LPCAT3: variants seen among roughly 807,000 people sequenced by gnomAD.
LPCAT3 encodes lysophospholipid acyltransferase 5.
LPCAT3 carries 21 observed loss-of-function variants against 63.4 expected under a neutral mutation model. The observed-to-expected ratio is 0.33, with a 90% CI of 0.23 to 0.48. The LOEUF (loss-of-function observed/expected upper bound fraction) is 0.48, where lower values mean the gene tolerates loss of function less well. Ranked by LOEUF, LPCAT3 falls within the 20% of genes least tolerant of loss-of-function variation. The pLI is 0.99. For missense variants in LPCAT3, 451 were observed against 590.6 expected, an observed-to-expected ratio of 0.76 and a Z score of 2.45; for synonymous variants, 242 against 227.5, an observed-to-expected ratio of 1.06 and a Z score of -0.58.
intron 1 of LPCAT3, chr12:6,997,427 G>GTT (rs1565603365): frequency 3.6e-5 from 5 of 137,482 alleles, no homozygotes; most frequent in African/African-American, 1.5e-4. Context: ...GTGTGTGTGT[G>GTT]TTTCAAGACA....
chr12:7,009,389 A>G (rs1374437819), intron 1 of LPCAT3, among the ~76,000 whole-genome samples: 1 of 152,212 alleles, frequency 6.6e-6, no homozygotes, highest in Non-Finnish European at 1.5e-5. Flanking sequence ...TACTATCAGG[A>G]CATCAAGTAC....
chr12:7,007,518 G>A (rs1435480032), intron 1 of LPCAT3, among the ~76,000 whole-genome samples: 6 of 124,046 alleles, frequency 4.8e-5, no homozygotes, highest in Admixed American at 8.8e-5. Flanking sequence ...TTTTTGAGAC[G>A]GAGTCTCACT....
chr12:6,977,879 G>C lies in LPCAT3; in HGVS notation c.1041-134C>G. On this transcript the variant is annotated intron_variant, in intron 9 of 12. Coordinates refer to ENST00000261407, the MANE Select transcript of LPCAT3 (RefSeq NM_005768.6). This position sits in a 1 kb window ranked among gnomAD's most constrained non-coding sequence, Gnocchi z 4.5. ...CCACGTGTAGCCCCCAGAGGGTACA[G>C]GAGGCAGTGCTGACTGATTACTTTT... The C allele has an allele frequency of 1.9e-6, 2 of 1,028,084 alleles. No individual in the cohort carries two copies. The highest frequency in any genetic ancestry group is 2.9e-6 in the Non-Finnish European group (2 of 684,432). The allele number at this position is 1,028,084 out of a possible 1,614,324, so 63.7% of individuals were successfully genotyped here. A position where few individuals can be genotyped will look rare whatever the true frequency, so the allele number is the denominator to read the frequency against.
At chr12:6,985,077 TC>T (rs1428386031) in intron 1 of LPCAT3, among the ~76,000 whole-genome samples, 1 of 138,352 alleles carries the variant, frequency 7.2e-6, no homozygotes, top group African/African-American at 2.7e-5. Flanking sequence ...TAGTCATTTT[TC>T]CCCCATACAT....
intron 9 of LPCAT3, 119 bp downstream of exon 9, chr12:6,978,222 A>T: frequency 8.3e-7 from 1 of 1,202,852 alleles, no homozygotes; most frequent in Non-Finnish European, 1.2e-6. Flanking sequence ...TGTGAGCGAC[A>T]GGGGGTTCTG....
chr12:7,000,897 C>T (rs74202416), intron 1 of LPCAT3, among the ~76,000 whole-genome samples: 4 of 151,916 alleles, frequency 2.6e-5, no homozygotes, highest in African/African-American at 7.2e-5. Context: ...TTAGTGGAGA[C>T]GGGGTTTCAC....
At chr12:7,000,474 G>T in intron 1 of LPCAT3, among the ~76,000 whole-genome samples, 1 of 147,010 alleles carries the variant, frequency 6.8e-6, no homozygotes, top group East Asian at 2.2e-4. Context: ...TGTAGTCCCA[G>T]CTACTCGGGA....
rs782394270 is a variant in LPCAT3 at position 6,984,894 on chromosome 12, G to A, written c.152-1355C>T. On this transcript the variant is annotated intron_variant, in intron 1 of 12. Transcript: ENST00000261407. ...GTCACTGTGCCTGATGAATTGCTGC[G>A]ATTCTTGCTTTTAAATTATGTAACT... Among the ~76,000 whole-genome samples the A allele has an allele frequency of 4.6e-5, 7 of 152,194 alleles. No individual in the cohort carries two copies. The South Asian group carries it at 1.2e-3, about 27-fold the overall frequency.
chr12:6,982,971 A>C (rs1565598788), intron 2 of LPCAT3, 189 bp from the exon 3 acceptor site: 1 of 666,872 alleles, frequency 1.5e-6, no homozygotes, highest in African/African-American at 1.8e-5. Flanking sequence ...GTGTTATTTT[A>C]TTTCTTTTCT....
At chr12:6,981,762 T>TG (rs782444969) in intron 4 of LPCAT3, 49 bp downstream of exon 4, 2 of 1,372,250 alleles carry the variant, frequency 1.5e-6, no homozygotes, top group South Asian at 2.3e-5. Flanking sequence ...TTTAGTGAGA[T>TG]GGGGGAGGGA....
chr12:7,009,676 G>A (rs996681575), intron 1 of LPCAT3, among the ~76,000 whole-genome samples: 19 of 152,304 alleles, frequency 1.2e-4, no homozygotes, highest in African/African-American at 4.6e-4. Flanking sequence ...AGATGATCTT[G>A]GGTCAAGCAT....
Position 6,977,101 on chromosome 12 carries a change from G to T in LPCAT3, c.*12+33C>A. The T allele has an allele frequency of 7.9e-7, 1 of 1,264,964 alleles. No homozygotes were observed. Among genetic ancestry groups the T allele is most frequent in the Non-Finnish European group, 1.2e-6 (1 of 863,302 alleles). The allele number at this position is 1,264,964 out of a possible 1,614,324, so 78.4% of individuals were successfully genotyped here. On this transcript the variant is annotated intron_variant, in intron 12 of 12. Coordinates refer to ENST00000261407, the MANE Select transcript of LPCAT3 (RefSeq NM_005768.6). The surrounding 1 kb of genome is among the most constrained non-coding windows in gnomAD (Gnocchi z 4.5). ...AGTCTGTTGCTCTATTCTGTAACCT[G>T]GTGGTAGTTTTAGTTTAGCTGTATT...
chr12:7,018,303 G>A lies in LPCAT3; in HGVS notation c.122C>T (p.Ala41Val). The A allele has an allele frequency of 6.2e-7, 1 of 1,607,270 alleles. No individual in the cohort carries two copies. Among genetic ancestry groups the A allele is most frequent in the Non-Finnish European group, 8.5e-7 (1 of 1,177,312 alleles). The change falls in exon 1 of 13, where the codon GCG becomes GTG. Residue 41 changes from alanine to valine, a missense_variant. Around this residue, in one of 3 missense-constraint regions of LPCAT3, gnomAD observed 133 missense variants for 152.1 expected, o/e 0.87. Transcript: ENST00000261407. The surrounding 1 kb of genome is among the most constrained non-coding windows in gnomAD (Gnocchi z 4.9). ...GAAGATGGAGATGATCAGCCGCAGC[G>A]CCTGTTCTGACGCGCCCAGGGACGT... ...LATSLGASEQ[A>V]LRLIISIFLG...
At chr12:6,981,997 C>A in intron 3 of LPCAT3, 93 bp from the exon 4 acceptor site, 1 of 725,708 alleles carries the variant, frequency 1.4e-6, no homozygotes, top group Non-Finnish European at 2.5e-6. Flanking sequence ...CCTTTCTCCT[C>A]ATCCCATCAT....
Position 6,977,844 on chromosome 12 carries a change from T to A in LPCAT3, c.1041-99A>T. 6.9e-7 allele frequency: 1 copy of A among 1,450,310 alleles called. No homozygotes were observed. Among genetic ancestry groups the A allele is most frequent in the Non-Finnish European group, 9.6e-7 (1 of 1,045,456 alleles). The allele number at this position is 1,450,310 out of a possible 1,614,324, so 89.8% of individuals were successfully genotyped here. ...CACCCTGAGGATTGGATTGGAGTGC[T>A]GGTGGGTTCCCACGTGTAGCCCCCA... On this transcript the variant is annotated intron_variant, in intron 9 of 12. Transcript: ENST00000261407. The surrounding 1 kb of genome is among the most constrained non-coding windows in gnomAD (Gnocchi z 4.5).
intron 1 of LPCAT3, among the ~76,000 whole-genome samples, chr12:7,003,677 C>A (rs1946705458): frequency 6.6e-6 from 1 of 151,528 alleles, no homozygotes; most frequent in Non-Finnish European, 1.5e-5. Context: ...AATCCCAGCA[C>A]TTTGGGAGGC....
intron 1 of LPCAT3, among the ~76,000 whole-genome samples, chr12:7,002,614 A>C (rs1297331290): frequency 6.6e-6 from 1 of 152,254 alleles, no homozygotes; most frequent in African/African-American, 2.4e-5. Context: ...GATAACCATG[A>C]GAATACTCCT....
At chr12:6,984,974 G>A (rs1230676498) in intron 1 of LPCAT3, among the ~76,000 whole-genome samples, 1 of 151,320 alleles carries the variant, frequency 6.6e-6, no homozygotes. Flanking sequence ...ACTCTAAAAC[G>A]CTTAGAATAG....
chr12:6,981,573 C>T (rs1555154070), intron 5 of LPCAT3, 22 bp downstream of exon 5: 1 of 1,613,196 alleles, frequency 6.2e-7, no homozygotes, highest in Non-Finnish European at 8.5e-7. Context: ...TTGAACCTCT[C>T]TGCCGATGAA....
Sources: allele counts gnomAD v4.1 joint callset (sites outside exome capture counted in the v4.1 genomes callset), GRCh38; gene constraint gnomAD v4.1.1; regional missense constraint gnomAD v4.1.1; non-coding constraint Gnocchi (gnomAD v3.1); transcripts MANE v1.5; gene names NCBI Gene and HGNC (gene_info 2026-07-23, HGNC 2026-07-21).